CASD1: variants seen among roughly 807,000 people sequenced by gnomAD.
CASD1 encodes CAS1 domain sialic acid O acetyltransferase 1.
Under a neutral mutation model 100.0 loss-of-function variants are expected in CASD1, and 41 were observed. The ratio of observed to expected loss-of-function variants is 0.41; its 90% CI spans 0.32 to 0.53. CASD1 has a LOEUF of 0.53. CASD1 is among the 20% of genes least tolerant of loss of function. The pLI, the probability that CASD1 is intolerant of heterozygous loss-of-function variation, is 0.25. For missense variants in CASD1, 774 were observed against 948.7 expected (o/e 0.82, Z 2.42); for synonymous variants, 321 against 315.6 (o/e 1.02, Z -0.18).
chr7:94,531,723 A>G (rs2116302694), intron 5 of CASD1, among the ~76,000 whole-genome samples: 1 of 152,208 alleles, frequency 6.6e-6, no homozygotes, highest in South Asian at 2.1e-4. Context: ...TTATAGTGAA[A>G]AAGTGTCATT....
the CASD1 span, among the ~76,000 whole-genome samples, chr7:94,570,639 C>T: frequency 0.087 from 13,291 of 151,954 alleles, 686 homozygotes; most frequent in East Asian, 0.16. Context: ...GGACTACAGA[C>T]GTGCACCACC....
At chr7:94,549,285 A>C (rs1795829884) in intron 13 of CASD1, among the ~76,000 whole-genome samples, 1 of 152,082 alleles carries the variant, frequency 6.6e-6, no homozygotes, top group South Asian at 2.1e-4. Flanking sequence ...TGAAATGAAA[A>C]TAAGTTTACC....
the CASD1 span, among the ~76,000 whole-genome samples, chr7:94,595,143 T>A: frequency 6.6e-6 from 1 of 152,260 alleles, no homozygotes; most frequent in African/African-American, 2.4e-5. Flanking sequence ...TTAAACATTT[T>A]TTCTTACTGA....
chr7:94,526,388 G>A (rs1023439381), intron 3 of CASD1, among the ~76,000 whole-genome samples: 5 of 152,194 alleles, frequency 3.3e-5, no homozygotes, highest in East Asian at 3.8e-4. Flanking sequence ...TGGAAGTGGC[G>A]TATGTCACAT....
chr7:94,576,902 T>A, the CASD1 span, among the ~76,000 whole-genome samples: 1 of 152,324 alleles, frequency 6.6e-6, no homozygotes, highest in East Asian at 1.9e-4. Context: ...TCATTGAACC[T>A]GAGTATGGTA....
At chr7:94,624,162 CAAAAA>C in the CASD1 span, 3 of 351,386 alleles carry the variant, frequency 8.5e-6, no homozygotes, top group Non-Finnish European at 9.8e-6. Flanking sequence ...TGCAGTACCT[CAAAAA>C]AAAAAAAAAA....
In CASD1 at chr7:94,556,091, A is replaced by G. The variant is rs907655881; in HGVS notation, c.*333A>G. The stretch of plus-strand genomic sequence containing the variant: ...GGAAATGATTACCTTTCCAGTAAAA[A>G]GTATAGATAATTTAATTAACTTAGT... On this transcript the variant is annotated 3_prime_UTR_variant, in exon 18 of 18. Transcript: ENST00000297273. 1 of 184,914 alleles carries G rather than the reference A, an allele frequency of 5.4e-6. No individual in the cohort carries two copies. The highest frequency in any genetic ancestry group is 2.5e-3 in the Middle Eastern group (1 of 404). The allele number at this position is 184,914 out of a possible 1,614,324, so 11.5% of individuals were successfully genotyped here.
the CASD1 span, among the ~76,000 whole-genome samples, chr7:94,562,030 A>G: frequency 4.6e-5 from 7 of 152,102 alleles, no homozygotes; most frequent in Admixed American, 4.6e-4. Flanking sequence ...CATTGTGTCA[A>G]CTGTAGGAAT....
the CASD1 span, among the ~76,000 whole-genome samples, chr7:94,611,859 T>TA: frequency 6.6e-6 from 1 of 152,170 alleles, no homozygotes; most frequent in Non-Finnish European, 1.5e-5. Context: ...GATTATCTTT[T>TA]AAAAAACCTA....
At chr7:94,623,329 TG>T in the CASD1 span, 1 of 1,578,222 alleles carries the variant, frequency 6.3e-7, no homozygotes, top group South Asian at 1.1e-5. Flanking sequence ...ACCTACCTTC[TG>T]CAGACATTAT....
At chr7:94,554,403 TATC>T (rs1796104614) in intron 16 of CASD1, 77 bp from the exon 17 acceptor site, 1 of 860,250 alleles carries the variant, frequency 1.2e-6, no homozygotes, top group Non-Finnish European at 1.8e-6. Flanking sequence ...AGAATAAGGT[TATC>T]ATTTAAAAGA....
At chr7:94,572,773 G>T in the CASD1 span, among the ~76,000 whole-genome samples, 1 of 152,016 alleles carries the variant, frequency 6.6e-6, no homozygotes, top group South Asian at 2.1e-4. Flanking sequence ...TGTTTTGATT[G>T]CTTCTGGTGT....
chr7:94,590,378 TCA>T, the CASD1 span: 1 of 152,178 alleles, frequency 6.6e-6, no homozygotes, highest in Non-Finnish European at 1.5e-5. Flanking sequence ...ATGCTGATTG[TCA>T]TTGTATTCTC....
intron 8 of CASD1, among the ~76,000 whole-genome samples, chr7:94,537,102 A>T (rs1452025685): frequency 6.6e-6 from 1 of 151,972 alleles, no homozygotes; most frequent in Non-Finnish European, 1.5e-5. Flanking sequence ...AGCATTTTTT[A>T]ACTAAAGGTC....
At chr7:94,528,521 G>A (rs1045110838) in intron 5 of CASD1, among the ~76,000 whole-genome samples, 6 of 152,126 alleles carry the variant, frequency 3.9e-5, no homozygotes, top group Non-Finnish European at 7.4e-5. Context: ...TGTTACTGCT[G>A]TAGTTCAGCT....
the CASD1 span, chr7:94,600,359 T>A: frequency 8.1e-6 from 3 of 370,644 alleles, no homozygotes; most frequent in South Asian, 8.3e-5. Flanking sequence ...ATGGCTTGTA[T>A]AACCAAAATA....
At chr7:94,616,945 G>A in the CASD1 span, 1 of 152,256 alleles carries the variant, frequency 6.6e-6, no homozygotes, top group South Asian at 2.1e-4. Context: ...GTTGGGAAGG[G>A]ATCTGAGACA....
At chr7:94,614,453 GACA>G in the CASD1 span, among the ~76,000 whole-genome samples, 1 of 152,172 alleles carries the variant, frequency 6.6e-6, no homozygotes, top group African/African-American at 2.4e-5. Flanking sequence ...TTTCCCAGAA[GACA>G]ACGTCTTACA....
chr7:94,546,990 A>ATTT (rs1410252677), intron 12 of CASD1, 106 bp from the exon 13 acceptor site: 1 of 618,710 alleles, frequency 1.6e-6, no homozygotes, highest in African/African-American at 2.0e-5. Flanking sequence ...GCATTCTTAT[A>ATTT]TTATTTTAAG....
Sources: gnomAD v4.1 joint callset for allele counts (sites outside exome capture counted in the v4.1 genomes callset) on GRCh38, gnomAD v4.1.1 for gene constraint, MANE v1.5 for transcripts, NCBI Gene and HGNC (gene_info 2026-07-23, HGNC 2026-07-21) for gene names.